The following GRIA3 variants were observed in gnomAD, a reference collection of about 807,000 sequenced individuals.
The protein encoded by GRIA3 is glutamate ionotropic receptor AMPA type subunit 3, also known as glutamate receptor 3.
In GRIA3, 3 loss-of-function variants were observed where a neutral mutation model predicts 63.0. That is an observed-to-expected ratio of 0.05 (90% CI 0.02 to 0.12). The LOEUF is 0.12. GRIA3 is among the 10% of genes least tolerant of loss of function. The pLI is 1.00. For synonymous variants in GRIA3, 274 were observed against 257.9 expected (o/e 1.06, Z -0.60); for missense variants, 347 against 700.9 (o/e 0.50, Z 5.70).
At chrX:123,408,919 A>G (rs1467568750) in intron 10 of GRIA3, among the ~76,000 whole-genome samples, 2 of 112,408 alleles carry the variant, frequency 1.8e-5, no homozygotes, top group Admixed American at 1.9e-4. Flanking sequence ...GTTAAAGAGG[A>G]TGATCTCATG....
chrX:123,436,312 TTTG>T (rs2045643954), intron 12 of GRIA3, among the ~76,000 whole-genome samples: 1 of 111,601 alleles, frequency 9.0e-6, no homozygotes, highest in African/African-American at 3.3e-5. Context: ...GTTTTTTGTT[TTTG>T]TTTGTTTGTT....
chrX:123,227,342 A>C (rs1238968684), intron 2 of GRIA3, among the ~76,000 whole-genome samples: 2 of 111,809 alleles, frequency 1.8e-5, no homozygotes, highest in Non-Finnish European at 3.8e-5. Flanking sequence ...ACAGTACCTA[A>C]CAGTGGAGCT....
At chrX:123,422,578 A>T (rs767540927) in intron 11 of GRIA3, among the ~76,000 whole-genome samples, 1 of 112,096 alleles carries the variant, frequency 8.9e-6, no homozygotes, top group Non-Finnish European at 1.9e-5. Flanking sequence ...GCACGTGGGC[A>T]CTGGAGTTAG....
Position 123,305,540 on chromosome X carries a change from G to T in GRIA3, c.509-20486G>T, listed in dbSNP as rs923053545. 5.4e-5 allele frequency among the ~76,000 whole-genome samples: 6 copies of T among 112,120 alleles called. 1 individual carries two copies. The highest frequency in any genetic ancestry group is 1.9e-4 in the African/African-American group (6 of 30,871). ...GCATTATCCTTGTCCAATTATAAGG[G>T]ATTCGTTACCTATAATGCCAATACT... On this transcript the variant is annotated intron_variant, in intron 3 of 15. Transcript: ENST00000620443.
chrX:123,351,536 A>C (rs1569423627), intron 4 of GRIA3, among the ~76,000 whole-genome samples: 1 of 112,047 alleles, frequency 8.9e-6, no homozygotes, highest in Non-Finnish European at 1.9e-5. Context: ...TACTGAACAC[A>C]ATAAACCATA....
intron 13 of GRIA3, among the ~76,000 whole-genome samples, chrX:123,469,941 T>C (rs757929131): frequency 8.9e-6 from 1 of 112,102 alleles, no homozygotes; most frequent in Admixed American, 9.5e-5. Flanking sequence ...CCTTACAAGA[T>C]AGGGTAGGGT....
intron 5 of GRIA3, among the ~76,000 whole-genome samples, chrX:123,383,281 G>A (rs898318633): frequency 2.7e-5 from 3 of 111,442 alleles, no homozygotes; most frequent in Admixed American, 9.6e-5. Flanking sequence ...CTGTGTGTTC[G>A]GAACATTTCA....
At chrX:123,382,994 G>C (rs2045333302) in intron 5 of GRIA3, among the ~76,000 whole-genome samples, 1 of 111,642 alleles carries the variant, frequency 9.0e-6, no homozygotes, top group Admixed American at 9.5e-5. Flanking sequence ...TACTTTTCCA[G>C]CCCAGGCTTT....
chrX:123,206,594 A>G (rs999985434), intron 2 of GRIA3, among the ~76,000 whole-genome samples: 12 of 109,580 alleles, frequency 1.1e-4, no homozygotes, highest in Non-Finnish European at 1.7e-4. Context: ...GAGGTTCTCC[A>G]TACAGGCTAC....
chrX:123,389,919 G>A (rs1469599759), intron 5 of GRIA3, among the ~76,000 whole-genome samples: 1 of 111,085 alleles, frequency 9.0e-6, no homozygotes, highest in Non-Finnish European at 1.9e-5. Flanking sequence ...TGTTAGCCAG[G>A]ATGGTCTCGA....
rs1212053937 is a variant in GRIA3 at position 123,488,823 on chromosome X, T to G, written c.*113T>G. The G allele has an allele frequency of 9.0e-6, 1 of 111,579 alleles. No homozygotes were observed. The highest frequency in any genetic ancestry group is 1.9e-5 in the Non-Finnish European group (1 of 53,115). 9.2% of individuals were successfully genotyped at this position (111,579 alleles called of 1,213,427 possible). Reference sequence around the variant, plus strand: ...TTGGTGTCGGGCATGACACGAATATTGCTGATGGTGCAATGACCTTTCAAT... The same window carrying G: ...TTGGTGTCGGGCATGACACGAATATGGCTGATGGTGCAATGACCTTTCAAT... On this transcript the variant is annotated 3_prime_UTR_variant, in exon 16 of 16. Coordinates refer to ENST00000620443, the MANE Select transcript of GRIA3 (RefSeq NM_007325.5).
At chrX:123,345,260 TG>T (rs2045037607) in intron 4 of GRIA3, among the ~76,000 whole-genome samples, 1 of 111,034 alleles carries the variant, frequency 9.0e-6, no homozygotes, top group Admixed American at 9.6e-5. Flanking sequence ...GCCTAGGCAA[TG>T]TTCTACAATG....
intron 4 of GRIA3, among the ~76,000 whole-genome samples, chrX:123,341,563 C>A: frequency 8.9e-6 from 1 of 112,323 alleles, no homozygotes; most frequent in Non-Finnish European, 1.9e-5. Context: ...TATATTAACA[C>A]AAATGGAGAA....
chrX:123,454,363 AGTT>A (rs1366541618), intron 12 of GRIA3, among the ~76,000 whole-genome samples: 1 of 111,770 alleles, frequency 8.9e-6, no homozygotes, highest in African/African-American at 3.3e-5. Context: ...TATTTCATAG[AGTT>A]GTTGTGAGAA....
chrX:123,469,743 T>C (rs1395585693), intron 13 of GRIA3, among the ~76,000 whole-genome samples: 1 of 112,295 alleles, frequency 8.9e-6, no homozygotes, highest in Non-Finnish European at 1.9e-5. Flanking sequence ...ATTTGTGACA[T>C]AGCCAGTGAA....
chrX:123,219,380 T>A (rs1474208044), intron 2 of GRIA3, among the ~76,000 whole-genome samples: 2 of 112,204 alleles, frequency 1.8e-5, no homozygotes, highest in Non-Finnish European at 3.8e-5. Context: ...AGAATGAGTC[T>A]ACCTCTAATC....
At chrX:123,388,053 A>G (rs369425778) in intron 5 of GRIA3, among the ~76,000 whole-genome samples, 1 of 112,111 alleles carries the variant, frequency 8.9e-6, no homozygotes, top group East Asian at 2.8e-4. Flanking sequence ...TGAAGCATTC[A>G]GTCCTAGACT....
chrX:123,243,182 A>G (rs1221094244), intron 2 of GRIA3, among the ~76,000 whole-genome samples: 1 of 112,124 alleles, frequency 8.9e-6, no homozygotes, highest in Non-Finnish European at 1.9e-5. Context: ...TAACATTTCA[A>G]AGGTGTTCCC....
chrX:123,316,818 C>T (rs1464993762), intron 3 of GRIA3, among the ~76,000 whole-genome samples: 3 of 111,947 alleles, frequency 2.7e-5, no homozygotes, highest in Non-Finnish European at 3.8e-5. Flanking sequence ...TGACAGACTC[C>T]ATATATGACA....
Sources: gnomAD v4.1 joint callset for allele counts (sites outside exome capture counted in the v4.1 genomes callset) on GRCh38, gnomAD v4.1.1 for gene constraint, MANE v1.5 for transcripts, NCBI Gene and HGNC (gene_info 2026-07-23, HGNC 2026-07-21) for gene names.